The following PIGL variants were observed in gnomAD, a reference collection of about 807,000 sequenced individuals.
PIGL encodes the protein phosphatidylinositol glycan anchor biosynthesis class L, also known as N-acetylglucosaminyl-phosphatidylinositol de-N-acetylase.
PIGL carries 22 observed loss-of-function variants against 31.1 expected under a neutral mutation model. The ratio of observed to expected loss-of-function variants is 0.71; its 90% CI spans 0.51 to 1.01. The LOEUF (loss-of-function observed/expected upper bound fraction) is 1.01. PIGL is among the 50% of genes least tolerant of loss of function. PIGL has a pLI of 0.00. For synonymous variants in PIGL, 131 were observed against 117.4 expected (o/e 1.12, Z -0.75); for missense variants, 302 against 315.9 (o/e 0.96, Z 0.33).
intron 2 of PIGL, among the ~76,000 whole-genome samples, chr17:16,275,127 C>T: frequency 6.6e-6 from 1 of 152,136 alleles, no homozygotes; most frequent in Non-Finnish European, 1.5e-5. Context: ...CACTTACAGT[C>T]ATTTTCTGAT....
At chr17:16,253,189 G>C (rs2092779925) in intron 2 of PIGL, among the ~76,000 whole-genome samples, 1 of 151,372 alleles carries the variant, frequency 6.6e-6, no homozygotes, top group Admixed American at 6.6e-5. Context: ...GGGAGGCGGA[G>C]GTTGCAGTGA....
chr17:16,223,070 G>T (rs1453486335), intron 1 of PIGL, among the ~76,000 whole-genome samples: 1 of 152,130 alleles, frequency 6.6e-6, no homozygotes, highest in Non-Finnish European at 1.5e-5. Context: ...AGAATAGCCA[G>T]ATGTGCTATC....
At chr17:16,220,024 AAATTTGGGACCAG>A (rs1307987077) in intron 1 of PIGL, among the ~76,000 whole-genome samples, 1 of 152,092 alleles carries the variant, frequency 6.6e-6, no homozygotes, top group Non-Finnish European at 1.5e-5. Context: ...AGGTTCATAA[AAATTTGGGACCAG>A]AATTGAAAAT....
At chr17:16,301,570 AT>A (rs3034004) in intron 3 of PIGL, among the ~76,000 whole-genome samples, 14,341 of 112,220 alleles carry the variant, frequency 0.13, 1,560 homozygotes, top group African/African-American at 0.35. Flanking sequence ...CCAATTTTTA[AT>A]TTTTTTTTTT....
intron 3 of PIGL, 49 bp downstream of exon 3, chr17:16,300,027 C>A: frequency 7.1e-7 from 1 of 1,417,528 alleles, no homozygotes; most frequent in Non-Finnish European, 1.0e-6. Context: ...TGGTCCCATT[C>A]ACACCAGGTG....
rs998694245 is a variant in PIGL at position 16,275,046 on chromosome 17, A to G, written c.336-24842A>G. Among the ~76,000 whole-genome samples, 9 of 151,720 alleles carry G rather than the reference A, an allele frequency of 5.9e-5. No individual in the cohort carries two copies. In the East Asian group the frequency reaches 9.7e-4, roughly 16 times the overall value. ...GACTCCGTCTCAAAAAAAAAAAAAG[A>G]AAAGAAAGAAAGTAAAGGAATAAAG... On this transcript the variant is annotated intron_variant, in intron 2 of 6. Transcript: ENST00000225609.
At chr17:16,221,983 A>G (rs141858648) in intron 1 of PIGL, among the ~76,000 whole-genome samples, 2,847 of 152,166 alleles carry the variant, frequency 0.019, 61 homozygotes, top group East Asian at 0.05. Flanking sequence ...TGAACTCCTC[A>G]AGTGATCCAC....
chr17:16,282,844 A>G (rs1416642189), intron 2 of PIGL, among the ~76,000 whole-genome samples: 1 of 152,158 alleles, frequency 6.6e-6, no homozygotes, highest in Non-Finnish European at 1.5e-5. Context: ...TGGGTCCAGC[A>G]GCCAGTAATA....
At chr17:16,242,644 CTTTTTTTTTTTTTTTT>C (rs35572629) in intron 2 of PIGL, among the ~76,000 whole-genome samples, 1 of 79,044 alleles carries the variant, frequency 1.3e-5, no homozygotes, top group Non-Finnish European at 2.4e-5. Flanking sequence ...TTTCTGATTC[CTTTTTTTTTTTTTTTT>C]TTTTTTTTTT....
chr17:16,248,844 C>T (rs1014532111), intron 2 of PIGL, among the ~76,000 whole-genome samples: 16 of 152,168 alleles, frequency 1.1e-4, no homozygotes, highest in African/African-American at 3.9e-4. Flanking sequence ...TTAAACAACA[C>T]AAATTTATTT....
chr17:16,251,145 G>C (rs1257940593), intron 2 of PIGL, among the ~76,000 whole-genome samples: 1 of 152,178 alleles, frequency 6.6e-6, no homozygotes, highest in Non-Finnish European at 1.5e-5. Context: ...TGAAAGACGA[G>C]CTGGGCACGG....
At chr17:16,307,734 A>G (rs996116075) in intron 3 of PIGL, among the ~76,000 whole-genome samples, 1 of 152,176 alleles carries the variant, frequency 6.6e-6, no homozygotes, top group African/African-American at 2.4e-5. Context: ...CAGGAGGCTG[A>G]AGTAGGAGGA....
intron 3 of PIGL, among the ~76,000 whole-genome samples, chr17:16,306,526 T>C (rs2093027047): frequency 1.3e-5 from 2 of 149,284 alleles, no homozygotes; most frequent in Admixed American, 1.3e-4. Flanking sequence ...TACGATCTTT[T>C]TTTTTTTTTT....
chr17:16,277,666 T>C (rs2092901309), intron 2 of PIGL, among the ~76,000 whole-genome samples: 1 of 152,196 alleles, frequency 6.6e-6, no homozygotes, highest in African/African-American at 2.4e-5. Flanking sequence ...ATTAGAAACC[T>C]ACATTCAATA....
intron 1 of PIGL, among the ~76,000 whole-genome samples, chr17:16,229,319 A>C (rs1568779936): frequency 6.6e-6 from 1 of 151,058 alleles, no homozygotes; most frequent in Middle Eastern, 3.2e-3. Flanking sequence ...TTAATATTCC[A>C]TTGTGTATAT....
At chr17:16,278,690 A>G (rs571402728) in intron 2 of PIGL, among the ~76,000 whole-genome samples, 27 of 146,680 alleles carry the variant, frequency 1.8e-4, no homozygotes, top group African/African-American at 6.6e-4. Context: ...ACCTAAAACA[A>G]TCCTTTAACC....
chr17:16,239,952 C>T (rs1428701554), intron 2 of PIGL, among the ~76,000 whole-genome samples: 1 of 152,014 alleles, frequency 6.6e-6, no homozygotes, highest in Non-Finnish European at 1.5e-5. Flanking sequence ...ATGGGTTCTC[C>T]CTGAATTACT....
rs906367193 is a variant in PIGL at position 16,317,124 on chromosome 17, G to A, written c.526+412G>A. ...CCACATAAAGTATTTGACCCTACCT[G>A]ACCATTTACTGCATGACCCCCATGC... On this transcript the variant is annotated intron_variant, in intron 5 of 6. Transcript: ENST00000225609. 2.9e-6 allele frequency: 3 copies of A among 1,027,598 alleles called. No individual in the cohort carries two copies. The Admixed American group carries it at 1.5e-4, about 51-fold the overall frequency. The allele number at this position is 1,027,598 out of a possible 1,614,324, so 63.7% of individuals were successfully genotyped here.
At chr17:16,260,444 G>C (rs2092814517) in intron 2 of PIGL, among the ~76,000 whole-genome samples, 1 of 152,198 alleles carries the variant, frequency 6.6e-6, no homozygotes, top group Admixed American at 6.5e-5. Flanking sequence ...GATTCAGGCA[G>C]ACAACAGGAA....
Sources: gnomAD v4.1 joint callset for allele counts (sites outside exome capture counted in the v4.1 genomes callset) on GRCh38, gnomAD v4.1.1 for gene constraint, MANE v1.5 for transcripts, NCBI Gene and HGNC (gene_info 2026-07-23, HGNC 2026-07-21) for gene names.